Variants in DAGLA observed in about 807,000 individuals in gnomAD.
DAGLA encodes diacylglycerol lipase alpha, also known as diacylglycerol lipase-alpha.
DAGLA carries 22 observed loss-of-function variants against 102.6 expected under a neutral mutation model. The observed-to-expected ratio is 0.21, with a 90% confidence interval of 0.15 to 0.31. The LOEUF is 0.31. Among genes scored for constraint, DAGLA ranks in the 10% least tolerant of loss-of-function variants. The pLI, the probability that DAGLA is intolerant of heterozygous loss-of-function variation, is 1.00. For missense variants in DAGLA, 927 were observed against 1,446.6 expected, an observed-to-expected ratio of 0.64 and a Z score of 5.83; for synonymous variants, 578 against 628.9, an observed-to-expected ratio of 0.92 and a Z score of 1.21.
intron 7 of DAGLA, 40 bp from the exon 8 acceptor site, chr11:61,728,891 T>A (rs754681300): frequency 6.3e-7 from 1 of 1,586,926 alleles, no homozygotes. Flanking sequence ...CAGCCGGGCC[T>A]GGGCCAGTGA....
At chr11:61,705,652 C>T (rs561882041) in intron 1 of DAGLA, among the ~76,000 whole-genome samples, 1 of 152,360 alleles carries the variant, frequency 6.6e-6, no homozygotes, top group Non-Finnish European at 1.5e-5. Flanking sequence ...TCCTTCTGGT[C>T]TGCAGGCTCC....
intron 1 of DAGLA, among the ~76,000 whole-genome samples, chr11:61,696,014 G>A (rs758398673): frequency 3.3e-5 from 5 of 152,226 alleles, no homozygotes; most frequent in African/African-American, 4.8e-5. Context: ...GCCCAAAGAC[G>A]GCAGCCTGCG....
rs1362451450 is a variant in DAGLA at position 61,746,152 on chromosome 11, C to T, written c.*1663C>T. ...TTCTGGCCCCCGGCTCCCCACACAG[C>T]TGGGACTGGCCTGGATGGCTGTCCT... On this transcript the variant is annotated 3_prime_UTR_variant, in exon 20 of 20. Coordinates refer to ENST00000257215, the MANE Select transcript of DAGLA (RefSeq NM_006133.3). The T allele has an allele frequency of 6.6e-6, 1 of 152,214 alleles. No individual in the cohort carries two copies. The highest frequency in any genetic ancestry group is 1.5e-5 in the Non-Finnish European group (1 of 68,060). The allele number at this position is 152,214 out of a possible 1,614,324, so 9.4% of individuals were successfully genotyped here.
At chr11:61,723,681 C>A (rs1380603774) in intron 5 of DAGLA, 109 bp downstream of exon 5, 5 of 1,421,902 alleles carry the variant, frequency 3.5e-6, no homozygotes, top group Non-Finnish European at 2.9e-6. Context: ...TGCATGCCAA[C>A]CTCGTGTGAG....
chr11:61,718,605 C>G (rs879681515), intron 1 of DAGLA, among the ~76,000 whole-genome samples: 1 of 151,940 alleles, frequency 6.6e-6, no homozygotes, highest in Non-Finnish European at 1.5e-5. Flanking sequence ...CCCCCCACCC[C>G]CAAAGCCCAG....
At chr11:61,689,089 C>A (rs1305869758) in intron 1 of DAGLA, among the ~76,000 whole-genome samples, 1 of 152,282 alleles carries the variant, frequency 6.6e-6, no homozygotes, top group Non-Finnish European at 1.5e-5. Context: ...CAAGTTTCCG[C>A]CTTCTGCGGG....
rs1158568853 is a variant in DAGLA at position 61,720,228 on chromosome 11, C to G, written c.73C>G (p.Leu25Val). ...SDDLVLPAIF[L>V]FLLHTTWFVI... is the part of the protein sequence containing the mutation. ...TGACCTCGTCCTACCGGCCATCTTC[C>G]TCTTTCTCCTGCATACCACCTGGTG... Residue 25 changes from leucine (L) to valine (V), a missense_variant, in exon 2 of 20, where the codon CTC becomes GTC. Leu to Val is a conservative substitution (Grantham distance 32). Transcript: ENST00000257215. 1 of 1,613,854 alleles carries G rather than the reference C, an allele frequency of 6.2e-7. No individual in the cohort carries two copies. Among genetic ancestry groups the G allele is most frequent in the African/African-American group, 1.3e-5 (1 of 74,948 alleles).
At chr11:61,735,690 C>A in intron 11 of DAGLA, 46 bp downstream of exon 11, 1 of 1,612,920 alleles carries the variant, frequency 6.2e-7, no homozygotes, top group Non-Finnish European at 8.5e-7. Context: ...CTGCCTCCCT[C>A]TTCCTGTCCT....
chr11:61,722,014 T>C (rs893013176), intron 3 of DAGLA, among the ~76,000 whole-genome samples: 11 of 152,334 alleles, frequency 7.2e-5, no homozygotes, highest in Admixed American at 5.2e-4. Flanking sequence ...CACCACTCCA[T>C]ACCCCTCCCC....
chr11:61,743,601 G>A lies in DAGLA; in HGVS notation c.2241G>A (p.Ala747=), dbSNP rs752080932. ...GGCGGCTGCTGTCGCCAGTGGTTGC[G>A]GCGGCGGCCCGCCAGGACCCGGTGG... ...SEGRLLSPVV[A]AAARQDPVEL... is the part of the protein sequence containing the mutation. The change falls in exon 20 of 20, where the codon GCG becomes GCA. Residue 747 remains alanine (A), a synonymous_variant. Transcript: ENST00000257215. 7.6e-6 allele frequency: 12 copies of A among 1,573,518 alleles called. No individual in the cohort carries two copies. The East Asian group carries it at 9.0e-5, about 12-fold the overall frequency.
chr11:61,728,422 G>A (rs2065348772), intron 7 of DAGLA, 135 bp downstream of exon 7: 2 of 1,121,730 alleles, frequency 1.8e-6, no homozygotes, highest in South Asian at 1.5e-5. Flanking sequence ...CTTGGACCCT[G>A]GAGGTCACCT....
At chr11:61,735,675 G>A (rs951705563) in intron 11 of DAGLA, 31 bp downstream of exon 11, 1 of 1,613,004 alleles carries the variant, frequency 6.2e-7, no homozygotes, top group Non-Finnish European at 8.5e-7. Context: ...AGCCCCCGGG[G>A]GTGCCTGCCT....
At chr11:61,712,276 C>T (rs992523407) in intron 1 of DAGLA, among the ~76,000 whole-genome samples, 10 of 152,194 alleles carry the variant, frequency 6.6e-5, no homozygotes, top group Admixed American at 2.0e-4. Context: ...CTCAGTTTCC[C>T]GATCCATGAC....
rs572217666 is a variant in DAGLA, at chr11:61,738,260, C to T, written c.1656+53C>T. 6.1e-6 allele frequency: 9 copies of T among 1,467,592 alleles called. No individual in the cohort carries two copies. In the African/African-American group the frequency reaches 9.7e-5, roughly 16 times the overall value. 90.9% of individuals were successfully genotyped at this position (1,467,592 alleles called of 1,614,324 possible). ...CTGTGCAGCCTCATCTGTCCCTGCC[C>T]TTGACCCCCACCGGTTTCTTGGGAC... On this transcript the variant is annotated intron_variant, in intron 16 of 19. Transcript: ENST00000257215.
At chr11:61,702,535 C>A (rs1054513686) in intron 1 of DAGLA, among the ~76,000 whole-genome samples, 1 of 152,184 alleles carries the variant, frequency 6.6e-6, no homozygotes, top group Non-Finnish European at 1.5e-5. Flanking sequence ...TCTGGTCAAC[C>A]CCCTCATCCT....
At position 61,725,584 on chromosome 11, in the gene DAGLA, C is replaced by T. The variant is rs545632898; in HGVS notation, c.549-411C>T. Among the ~76,000 whole-genome samples, 57 of 152,344 alleles carry T rather than the reference C, an allele frequency of 3.7e-4. No homozygotes were observed. In the East Asian group the frequency reaches 4.4e-3, roughly 12 times the overall value. Reference sequence around the variant, plus strand: ...AGAATGAGACGACAGGGAGGCCCAACACCCTGCTGACCTCCCAGGGTTTGA... The same window carrying T: ...AGAATGAGACGACAGGGAGGCCCAATACCCTGCTGACCTCCCAGGGTTTGA... On this transcript the variant is annotated intron_variant, in intron 5 of 19. Transcript: ENST00000257215.
chr11:61,712,715 C>G (rs926970601), intron 1 of DAGLA, among the ~76,000 whole-genome samples: 2 of 152,202 alleles, frequency 1.3e-5, no homozygotes, highest in Non-Finnish European at 2.9e-5. Flanking sequence ...CGTCGTCTCC[C>G]TTGTCACCTC....
chr11:61,685,340 A>G (rs1182021483), intron 1 of DAGLA, among the ~76,000 whole-genome samples: 1 of 152,150 alleles, frequency 6.6e-6, no homozygotes, highest in Non-Finnish European at 1.5e-5. Flanking sequence ...CTTTCCATAG[A>G]GAAGTGGTTA....
At chr11:61,721,641 AC>A (rs369358698) in intron 3 of DAGLA, among the ~76,000 whole-genome samples, 11 of 151,764 alleles carry the variant, frequency 7.2e-5, no homozygotes, top group African/African-American at 2.7e-4. Flanking sequence ...CTTCCTGGGA[AC>A]CCCCTCAGGA....
Sources: allele counts gnomAD v4.1 joint callset (sites outside exome capture counted in the v4.1 genomes callset), GRCh38; gene constraint gnomAD v4.1.1; transcripts MANE v1.5; gene names NCBI Gene and HGNC (gene_info 2026-07-23, HGNC 2026-07-21).